MLLT3: variants seen among roughly 807,000 people sequenced by gnomAD.
MLLT3 encodes MLLT3 super elongation complex subunit, also known as protein AF-9.
Under a neutral mutation model 53.2 loss-of-function variants are expected in MLLT3, and 4 were observed. That is an observed-to-expected ratio of 0.08 (90% CI 0.04 to 0.17). MLLT3 has a LOEUF of 0.17. Among genes scored for constraint, MLLT3 ranks in the 10% least tolerant of loss-of-function variants. MLLT3 has a pLI of 1.00. For missense variants in MLLT3, 569 were observed against 684.0 expected (o/e 0.83, Z 1.87); for synonymous variants, 283 against 230.6 (o/e 1.23, Z -2.06).
intron 2 of MLLT3, among the ~76,000 whole-genome samples, chr9:20,465,051 C>T (rs1824200951): frequency 6.6e-6 from 1 of 151,914 alleles, no homozygotes; most frequent in Non-Finnish European, 1.5e-5. Flanking sequence ...CTTTTTCAAT[C>T]TGTCCCTTGA....
At chr9:20,615,150 T>G (rs1023519382) in intron 2 of MLLT3, among the ~76,000 whole-genome samples, 3 of 151,354 alleles carry the variant, frequency 2.0e-5, no homozygotes, top group African/African-American at 7.3e-5. Context: ...TGGAGACCAG[T>G]CTGGGCAACA....
chr9:20,619,705 A>G (rs1820939893), intron 2 of MLLT3, among the ~76,000 whole-genome samples: 1 of 152,234 alleles, frequency 6.6e-6, no homozygotes, highest in African/African-American at 2.4e-5. Context: ...CAGAGGTTGA[A>G]GGGAAAAGAA....
intron 2 of MLLT3, among the ~76,000 whole-genome samples, chr9:20,508,498 A>C (rs1038483649): frequency 1.3e-5 from 2 of 152,212 alleles, no homozygotes; most frequent in African/African-American, 4.8e-5. Context: ...AACCCCAGTC[A>C]TAACTGTAGG....
intron 2 of MLLT3, among the ~76,000 whole-genome samples, chr9:20,609,370 C>A (rs1820644830): frequency 6.6e-6 from 1 of 152,008 alleles, no homozygotes; most frequent in African/African-American, 2.4e-5. Context: ...GTTGGATGAT[C>A]AAAAATTTCA....
At chr9:20,563,255 A>G (rs1415217374) in intron 2 of MLLT3, among the ~76,000 whole-genome samples, 1 of 151,886 alleles carries the variant, frequency 6.6e-6, no homozygotes, top group Non-Finnish European at 1.5e-5. Context: ...AACAACATTA[A>G]TGGGTTTACC....
Position 20,620,965 on chromosome 9 carries a change from C to G in MLLT3, c.13-131G>C, listed in dbSNP as rs568366185. 5 of 1,083,012 alleles carry G rather than the reference C, an allele frequency of 4.6e-6. No individual in the cohort carries two copies. In the African/African-American group the frequency reaches 7.8e-5, roughly 17 times the overall value. The allele number at this position is 1,083,012 out of a possible 1,614,324, so 67.1% of individuals were successfully genotyped here. On this transcript the variant is annotated intron_variant, in intron 1 of 10. Transcript: ENST00000380338. The surrounding 1 kb of genome is among the most constrained non-coding windows in gnomAD (Gnocchi z 6.1). ...AAGGAAACGGCGGTGCCCTCTGCAT[C>G]CACGTTTCACGCGCGTGGGCGCGCA... is the stretch of plus-strand genomic sequence containing the variant.
At position 20,492,253 on chromosome 9, in the gene MLLT3, T is replaced by C. The variant is rs1363254831; in HGVS notation, c.194-35467A>G. Among the ~76,000 whole-genome samples, 9 of 152,032 alleles carry C rather than the reference T, an allele frequency of 5.9e-5. No individual in the cohort carries two copies. The East Asian group carries it at 1.7e-3, about 29-fold the overall frequency. ...TATCTATTTAGATTTTTTCAAAGGC[T>C]GATAGCATACTAGTTGTAACTTAGA... On this transcript the variant is annotated intron_variant, in intron 2 of 10. Coordinates refer to ENST00000380338, the MANE Select transcript of MLLT3 (RefSeq NM_004529.4).
At chr9:20,531,616 T>C (rs1007391443) in intron 2 of MLLT3, among the ~76,000 whole-genome samples, 2 of 152,172 alleles carry the variant, frequency 1.3e-5, no homozygotes, top group Non-Finnish European at 2.9e-5. Context: ...ACTGTTTCTA[T>C]TTCCACACTT....
At chr9:20,572,806 T>C (rs761921547) in intron 2 of MLLT3, among the ~76,000 whole-genome samples, 3 of 152,042 alleles carry the variant, frequency 2.0e-5, no homozygotes, top group Admixed American at 6.6e-5. Context: ...AAAATAATAA[T>C]ATATAAATAA....
chr9:20,375,422 G>A (rs1022793874), intron 5 of MLLT3, among the ~76,000 whole-genome samples: 1 of 152,064 alleles, frequency 6.6e-6, no homozygotes, highest in African/African-American at 2.4e-5. Context: ...GAAGATGTAA[G>A]GAATATCCTT....
At chr9:20,575,647 T>C (rs1033890156) in intron 2 of MLLT3, among the ~76,000 whole-genome samples, 2 of 152,152 alleles carry the variant, frequency 1.3e-5, no homozygotes, top group Non-Finnish European at 2.9e-5. Flanking sequence ...GCATTGTCAA[T>C]GAGCAGTAAT....
At chr9:20,581,856 G>C (rs1819800207) in intron 2 of MLLT3, among the ~76,000 whole-genome samples, 1 of 152,002 alleles carries the variant, frequency 6.6e-6, no homozygotes, top group Non-Finnish European at 1.5e-5. Context: ...TGCATTTAAG[G>C]CTCTATATCA....
chr9:20,491,691 T>C (rs1824952053), intron 2 of MLLT3, among the ~76,000 whole-genome samples: 1 of 152,084 alleles, frequency 6.6e-6, no homozygotes, highest in African/African-American at 2.4e-5. Context: ...AAACAGTAAG[T>C]GTCAAAAAGT....
chr9:20,556,632 G>A (rs768413926), intron 2 of MLLT3, among the ~76,000 whole-genome samples: 3 of 152,074 alleles, frequency 2.0e-5, no homozygotes, highest in Non-Finnish European at 2.9e-5. Flanking sequence ...GCAGTGATCC[G>A]AGATCGCACC....
rs926383650 is a variant in MLLT3 at position 20,463,575 on chromosome 9, T to C, written c.194-6789A>G. ...TTACATCTTTCACTAAAATTGATAG[T>C]GCTTCTCCTAGCAACTTCCCCCAAG... On this transcript the variant is annotated intron_variant, in intron 2 of 10. Transcript: ENST00000380338. Among the ~76,000 whole-genome samples, 6 of 152,288 alleles carry C rather than the reference T, an allele frequency of 3.9e-5. No individual in the cohort carries two copies. In the East Asian group the frequency reaches 1.2e-3, roughly 29 times the overall value.
chr9:20,350,163 C>G (rs1048314308), intron 10 of MLLT3, among the ~76,000 whole-genome samples: 1 of 152,230 alleles, frequency 6.6e-6, no homozygotes, highest in African/African-American at 2.4e-5. Flanking sequence ...GCCTGAAGAA[C>G]TCCACTGTGC....
At chr9:20,549,197 C>G (rs1198791672) in intron 2 of MLLT3, among the ~76,000 whole-genome samples, 5 of 152,204 alleles carry the variant, frequency 3.3e-5, no homozygotes, top group Non-Finnish European at 7.3e-5. Flanking sequence ...ACAGGCCACT[C>G]AAATCACTGA....
intron 2 of MLLT3, among the ~76,000 whole-genome samples, chr9:20,537,653 T>C (rs1262050556): frequency 6.6e-6 from 1 of 152,150 alleles, no homozygotes; most frequent in African/African-American, 2.4e-5. Context: ...TTTGGACTAA[T>C]TCAGATATAA....
intron 4 of MLLT3, among the ~76,000 whole-genome samples, chr9:20,425,558 CAAT>C (rs1238423032): frequency 6.6e-6 from 1 of 152,022 alleles, no homozygotes; most frequent in Admixed American, 6.6e-5. Context: ...AATGATTCAA[CAAT>C]GTGACTAGTA....
Sources: gnomAD v4.1 joint callset for allele counts (sites outside exome capture counted in the v4.1 genomes callset) on GRCh38, gnomAD v4.1.1 for gene constraint, Gnocchi (gnomAD v3.1) non-coding constraint, MANE v1.5 for transcripts, NCBI Gene and HGNC (gene_info 2026-07-23, HGNC 2026-07-21) for gene names.